The following CDK10 variants were observed in gnomAD, a reference collection of about 807,000 sequenced individuals.
CDK10 encodes cyclin-dependent kinase 10.
In CDK10, 55 loss-of-function variants were observed where a neutral mutation model predicts 51.0. That is an observed-to-expected ratio of 1.08 (90% CI 0.87 to 1.35). The LOEUF is 1.35. CDK10 is among the 40% of genes most tolerant of loss of function. CDK10 has a pLI of 0.00. For synonymous variants in CDK10, 255 were observed against 199.1 expected (o/e 1.28, Z -2.36); for missense variants, 589 against 485.1 (o/e 1.21, Z -2.01).
chr16:89,690,652 C>T (rs765217088), intron 3 of CDK10, 28 bp downstream of exon 3: 1 of 1,582,560 alleles, frequency 6.3e-7, no homozygotes, highest in South Asian at 1.1e-5. Context: ...GTGTTGGGAC[C>T]TCGCACTGGG....
Position 89,695,978 on chromosome 16 carries a change from T to C in CDK10, c.*286T>C. The C allele has an allele frequency of 3.3e-6, 2 of 615,172 alleles. No individual in the cohort carries two copies. Among genetic ancestry groups the C allele is most frequent in the Non-Finnish European group, 5.8e-6 (2 of 345,868 alleles). The allele number at this position is 615,172 out of a possible 1,614,324, so 38.1% of individuals were successfully genotyped here. ...TCTCATGTGGTCCTCCTCGCTATGT[T>C]GGAAATGTGCAACCACTGCTTCTTG... is the stretch of plus-strand genomic sequence containing the variant. On this transcript the variant is annotated 3_prime_UTR_variant, in exon 13 of 13. Transcript: ENST00000353379.
chr16:89,695,374 T>G (rs1395519678), intron 12 of CDK10, 29 bp downstream of exon 12: 2 of 1,604,196 alleles, frequency 1.2e-6, no homozygotes, highest in Admixed American at 1.7e-5. Context: ...TGACTCGCTC[T>G]GTGGGGTATG....
chr16:89,695,530 G>C, intron 12 of CDK10, 65 bp from the exon 13 acceptor site: 1 of 1,551,460 alleles, frequency 6.4e-7, no homozygotes, highest in Non-Finnish European at 8.7e-7. Context: ...GCTGGACTCA[G>C]ACCTGGGCCT....
chr16:89,693,007 G>A (rs541544466), intron 6 of CDK10, among the ~76,000 whole-genome samples: 20 of 151,246 alleles, frequency 1.3e-4, no homozygotes, highest in Non-Finnish European at 2.2e-4. Flanking sequence ...GCGTGGTGGC[G>A]GGCGCCTGTA....
Position 89,696,030 on chromosome 16 carries a change from G to A in CDK10, c.*338G>A, listed in dbSNP as rs111709034. On this transcript the variant is annotated 3_prime_UTR_variant, in exon 13 of 13. Transcript: ENST00000353379. Reference sequence around the variant, plus strand: ...GAGGAGTGGTGGGTGCAGTCCCCCCGCTGTCTTTGAGTTGTGGTGGACGCT... The same window carrying A: ...GAGGAGTGGTGGGTGCAGTCCCCCCACTGTCTTTGAGTTGTGGTGGACGCT... The A allele has an allele frequency of 2.0e-3, 1,168 of 585,158 alleles. 8 individuals are homozygous for A. The highest frequency in any genetic ancestry group is 0.019 in the African/African-American group (1,041 of 53,630). 36.2% of individuals were successfully genotyped at this position (585,158 alleles called of 1,614,324 possible).
intron 1 of CDK10, 31 bp downstream of exon 1, chr16:89,686,828 C>T (rs773330906): frequency 7.0e-6 from 11 of 1,580,628 alleles, no homozygotes; most frequent in South Asian, 3.4e-5. Context: ...GCAGCTCTGC[C>T]CGCCTCGCTA....
chr16:89,689,727 A>G (rs1166551740), intron 2 of CDK10: 1 of 177,718 alleles, frequency 5.6e-6, no homozygotes, highest in African/African-American at 2.4e-5. Context: ...TCTATTGCCC[A>G]GACTGGAGTG....
intron 5 of CDK10, 26 bp downstream of exon 5, chr16:89,691,913 G>C (rs750167779): frequency 6.2e-7 from 1 of 1,601,610 alleles, no homozygotes; most frequent in Non-Finnish European, 8.6e-7. Flanking sequence ...GCCTGGGGTG[G>C]GGGAATGGGC....
At chr16:89,691,650 A>G (rs1293737355) in intron 4 of CDK10, 105 bp downstream of exon 4, 18 of 1,235,558 alleles carry the variant, frequency 1.5e-5, no homozygotes, top group Non-Finnish European at 4.7e-6. Flanking sequence ...TGAGGTTGTC[A>G]GAGAAGAGAT....
chr16:89,688,421 C>G (rs1034691139), intron 1 of CDK10, among the ~76,000 whole-genome samples: 7 of 152,136 alleles, frequency 4.6e-5, no homozygotes, highest in African/African-American at 1.2e-4. Flanking sequence ...GATACAGACT[C>G]TACTAGTTCA....
At chr16:89,687,116 T>A in intron 1 of CDK10, 1 of 238,918 alleles carries the variant, frequency 4.2e-6, no homozygotes, top group Non-Finnish European at 8.0e-6. Context: ...CGAGCTGGGC[T>A]TTGCAGGCTG....
intron 1 of CDK10, chr16:89,687,439 T>C (rs1172486569): frequency 2.2e-6 from 1 of 455,332 alleles, no homozygotes; most frequent in Non-Finnish European, 4.4e-6. Flanking sequence ...TCAGTAAGAA[T>C]CATTAACAGA....
chr16:89,689,628 G>C (rs1366407055), intron 2 of CDK10: 9 of 346,732 alleles, frequency 2.6e-5, no homozygotes, highest in Non-Finnish European at 4.9e-5. Context: ...GCTGGACATG[G>C]TGCTCATGTC....
rs1167661571 is a variant in CDK10 at position 89,695,310 on chromosome 16, G to A, written c.950G>A (p.Cys317Tyr). ...TCCTCCAGGGCGACGGCCGGGGACTGCCTGGAGAGCTCCTATTTCAAGGAG... is the reference window on the plus strand; with the variant it reads ...TCCTCCAGGGCGACGGCCGGGGACTACCTGGAGAGCTCCTATTTCAAGGAG... ...DPKKRATAGD[C>Y]LESSYFKEKP... Residue 317 changes from cysteine (C) to tyrosine (Y), a missense_variant, in exon 12 of 13, where the codon TGC becomes TAC. Coordinates refer to ENST00000353379, the MANE Select transcript of CDK10 (RefSeq NM_052988.5). 2 of 1,612,092 alleles carry A rather than the reference G, an allele frequency of 1.2e-6. No individual in the cohort carries two copies. Among genetic ancestry groups the A allele is most frequent in the East Asian group, 2.2e-5 (1 of 44,836 alleles).
chr16:89,694,550 G>C (rs2060610184), intron 9 of CDK10, 115 bp from the exon 10 acceptor site: 1 of 1,516,326 alleles, frequency 6.6e-7, no homozygotes, highest in Admixed American at 2.0e-5. Flanking sequence ...CCCTGACCCA[G>C]CGTGCCTCAC....
chr16:89,694,871 TGCGCCC>T, intron 10 of CDK10, 54 bp from the exon 11 acceptor site: 6 of 1,537,466 alleles, frequency 3.9e-6, no homozygotes, highest in Non-Finnish European at 5.3e-6. Context: ...CCACGCCCTC[TGCGCCC>T]GCAGCCCCCG....
chr16:89,695,124 C>A (rs1032258071), intron 11 of CDK10, 54 bp downstream of exon 11: 1 of 1,575,736 alleles, frequency 6.3e-7, no homozygotes, highest in African/African-American at 1.3e-5. Context: ...CTGTCCAGAC[C>A]GTTTCCCAGA....
chr16:89,691,567 A>C (rs1223036279), intron 4 of CDK10, 22 bp downstream of exon 4: 1 of 1,586,590 alleles, frequency 6.3e-7, no homozygotes, highest in East Asian at 2.2e-5. Context: ...CCTGGTCTGC[A>C]CATTGGGCCC....
Position 89,696,091 on chromosome 16 carries a change from C to T in CDK10, c.*399C>T. On this transcript the variant is annotated 3_prime_UTR_variant, in exon 13 of 13. Coordinates refer to ENST00000353379, the MANE Select transcript of CDK10 (RefSeq NM_052988.5). Reference sequence around the variant, plus strand: ...GAGAGGGCCCAGAAGACCTTCGTATCCCCTCTCAGTCGCCCGGGGCTGTCC... The same window carrying T: ...GAGAGGGCCCAGAAGACCTTCGTATTCCCTCTCAGTCGCCCGGGGCTGTCC... The T allele has an allele frequency of 2.0e-6, 1 of 508,446 alleles. No individual in the cohort carries two copies. Among genetic ancestry groups the T allele is most frequent in the African/African-American group, 1.9e-5 (1 of 51,856 alleles). The allele number at this position is 508,446 out of a possible 1,614,324, so 31.5% of individuals were successfully genotyped here. A position where few individuals can be genotyped will look rare whatever the true frequency, so the allele number is the denominator to read the frequency against.
Sources: gnomAD v4.1 joint callset for allele counts (sites outside exome capture counted in the v4.1 genomes callset) on GRCh38, gnomAD v4.1.1 for gene constraint, MANE v1.5 for transcripts, NCBI Gene and HGNC (gene_info 2026-07-23, HGNC 2026-07-21) for gene names.